Variants in FKBP5 observed in about 807,000 individuals in gnomAD.
FKBP5 encodes the protein FKBP prolyl isomerase 5, also known as peptidyl-prolyl cis-trans isomerase FKBP5.
FKBP5 carries 23 observed loss-of-function variants against 50.5 expected under a neutral mutation model. The ratio of observed to expected loss-of-function variants is 0.46; its 90% CI spans 0.33 to 0.65. The LOEUF (loss-of-function observed/expected upper bound fraction) is 0.65. Among genes scored for constraint, FKBP5 ranks in the 30% least tolerant of loss-of-function variants. The pLI, the probability that FKBP5 is intolerant of heterozygous loss-of-function variation, is 0.02. For synonymous variants in FKBP5, 176 were observed against 190.6 expected, an observed-to-expected ratio of 0.92 and a Z score of 0.63; for missense variants, 411 against 553.1, an observed-to-expected ratio of 0.74 and a Z score of 2.58.
Position 35,671,136 on chromosome 6 carries a change from C to T in FKBP5, c.-20+17668G>A, listed in dbSNP as rs115652148. Among the ~76,000 whole-genome samples the T allele has an allele frequency of 8.5e-3, 1,297 of 151,960 alleles. 22 individuals carry two copies. The highest frequency in any genetic ancestry group is 0.028 in the African/African-American group (1,165 of 41,454). On this transcript the variant is annotated intron_variant, in intron 1 of 10. Coordinates refer to ENST00000357266, the MANE Select transcript of FKBP5 (RefSeq NM_004117.4). ...AAAGTTAGTTGGGCATGGTGGTGCACACCTGTAGTCCCACCTACTTGGGTG... is the reference window on the plus strand; with the variant it reads ...AAAGTTAGTTGGGCATGGTGGTGCATACCTGTAGTCCCACCTACTTGGGTG...
chr6:35,638,839 G>A (rs773505783), intron 2 of FKBP5, among the ~76,000 whole-genome samples: 3 of 152,096 alleles, frequency 2.0e-5, no homozygotes, highest in South Asian at 2.1e-4. Flanking sequence ...TCATGTTCAC[G>A]AACTGCATGT....
At chr6:35,687,877 C>T (rs913683367) in intron 1 of FKBP5, among the ~76,000 whole-genome samples, 13 of 152,226 alleles carry the variant, frequency 8.5e-5, no homozygotes, top group Non-Finnish European at 1.8e-4. Context: ...CTACGATGGT[C>T]CTGCCGGTTC....
intron 2 of FKBP5, among the ~76,000 whole-genome samples, chr6:35,637,934 T>G (rs1764364021): frequency 6.6e-6 from 1 of 152,230 alleles, no homozygotes; most frequent in Non-Finnish European, 1.5e-5. Context: ...TCTGCTTGTT[T>G]ATTTTCAGAA....
intron 1 of FKBP5, among the ~76,000 whole-genome samples, chr6:35,686,803 A>G (rs1210950764): frequency 6.6e-6 from 1 of 151,240 alleles, no homozygotes; most frequent in Admixed American, 6.6e-5. Flanking sequence ...AGATTTAATA[A>G]GTTGCCTAAT....
intron 1 of FKBP5, among the ~76,000 whole-genome samples, chr6:35,656,797 T>A (rs1428562084): frequency 6.7e-6 from 1 of 149,638 alleles, no homozygotes; most frequent in Non-Finnish European, 1.5e-5. Context: ...CTCAGGAGGC[T>A]GAGGCAGGAG....
At chr6:35,610,333 G>A (rs997563549) in intron 5 of FKBP5, among the ~76,000 whole-genome samples, 3 of 152,064 alleles carry the variant, frequency 2.0e-5, no homozygotes, top group Non-Finnish European at 2.9e-5. Context: ...TTGGGAGGCT[G>A]AGGCAGGTGG....
At chr6:35,684,414 G>A (rs1765765158) in intron 1 of FKBP5, among the ~76,000 whole-genome samples, 1 of 152,022 alleles carries the variant, frequency 6.6e-6, no homozygotes, top group African/African-American at 2.4e-5. Context: ...CTGGGCTCAA[G>A]CAATCCACGT....
At chr6:35,709,547 A>G (rs1029358052) in intron 2 of FKBP5, among the ~76,000 whole-genome samples, 1 of 152,248 alleles carries the variant, frequency 6.6e-6, no homozygotes, top group Non-Finnish European at 1.5e-5. Context: ...TTTAAAAATC[A>G]GTTTTAAACT....
intron 5 of FKBP5, among the ~76,000 whole-genome samples, chr6:35,605,716 G>A (rs1034471668): frequency 7.2e-5 from 11 of 151,950 alleles, no homozygotes; most frequent in Admixed American, 1.3e-4. Flanking sequence ...CATACTGAAC[G>A]GGCAAAAGTT....
chr6:35,617,114 G>A (rs369826621), intron 5 of FKBP5, among the ~76,000 whole-genome samples: 5 of 151,874 alleles, frequency 3.3e-5, no homozygotes, highest in African/African-American at 4.8e-5. Context: ...TATTTCCCTG[G>A]TATTCTACAT....
Position 35,643,834 on chromosome 6 carries a change from C to T in FKBP5, c.-19-991G>A, listed in dbSNP as rs753530174. Among the ~76,000 whole-genome samples the T allele has an allele frequency of 2.2e-4, 34 of 152,276 alleles. No individual in the cohort carries two copies. The South Asian group carries it at 2.5e-3, about 11-fold the overall frequency. Reference sequence around the variant, plus strand: ...TCTGTAAGAGATTCATAAGACTATGCGCCTGTTAGGTTTAAAAGATCCTTC... The same window carrying T: ...TCTGTAAGAGATTCATAAGACTATGTGCCTGTTAGGTTTAAAAGATCCTTC... On this transcript the variant is annotated intron_variant, in intron 1 of 10. Transcript: ENST00000357266.
chr6:35,586,804 A>G, intron 8 of FKBP5: 1 of 1,406,062 alleles, frequency 7.1e-7, no homozygotes, highest in Non-Finnish European at 9.3e-7. Context: ...GCCTGTATGG[A>G]AGGTTACAAT....
chr6:35,671,005 T>C (rs1352536761), intron 1 of FKBP5, among the ~76,000 whole-genome samples: 1 of 152,032 alleles, frequency 6.6e-6, no homozygotes, highest in African/African-American at 2.4e-5. Context: ...ATGCCTGTAA[T>C]CCCAGCACTT....
intron 1 of FKBP5, among the ~76,000 whole-genome samples, chr6:35,726,516 C>T (rs1274902262): frequency 6.7e-6 from 1 of 148,408 alleles, no homozygotes; most frequent in African/African-American, 2.5e-5. Context: ...TCACGTCCAC[C>T]CCTCCCATCT....
chr6:35,728,126 CCGAGCGGG>C (rs1766758946), intron 1 of FKBP5, among the ~76,000 whole-genome samples: 1 of 152,116 alleles, frequency 6.6e-6, no homozygotes, highest in Non-Finnish European at 1.5e-5. Flanking sequence ...ACACAATGTC[CCGAGCGGG>C]CGGGCGGGCG....
intron 2 of FKBP5, among the ~76,000 whole-genome samples, chr6:35,707,816 C>G (rs1561904891): frequency 1.3e-5 from 2 of 152,148 alleles, no homozygotes; most frequent in Non-Finnish European, 2.9e-5. Flanking sequence ...ATTTGGTTTT[C>G]TGTTCTTGCA....
In FKBP5 at chr6:35,620,281, G is replaced by A. The variant is rs765661217; in HGVS notation, c.251-7C>T. 3.7e-6 allele frequency: 6 copies of A among 1,613,586 alleles called. No individual in the cohort carries two copies. The highest frequency in any genetic ancestry group is 5.1e-6 in the Non-Finnish European group (6 of 1,179,732). On this transcript the variant is annotated splice_polypyrimidine_tract_variant and splice_region_variant and intron_variant, in intron 3 of 10. Transcript: ENST00000357266. ...CATGCCTTGATGACTTGGCCTAAGGGAAAGGAAAAGGTAGTTGAAAGCTAT... is the reference window on the plus strand; with the variant it reads ...CATGCCTTGATGACTTGGCCTAAGGAAAAGGAAAAGGTAGTTGAAAGCTAT...
At chr6:35,605,987 C>G (rs1184234620) in intron 5 of FKBP5, among the ~76,000 whole-genome samples, 1 of 152,194 alleles carries the variant, frequency 6.6e-6, no homozygotes, top group African/African-American at 2.4e-5. Flanking sequence ...CTAGAAAATA[C>G]TCTTCTGGAC....
At chr6:35,592,624 T>C in intron 6 of FKBP5, among the ~76,000 whole-genome samples, 1 of 152,228 alleles carries the variant, frequency 6.6e-6, no homozygotes, top group East Asian at 1.9e-4. Flanking sequence ...TAAGCACATA[T>C]TTTCTGAGAG....
Sources: gnomAD v4.1 joint callset for allele counts (sites outside exome capture counted in the v4.1 genomes callset) on GRCh38, gnomAD v4.1.1 for gene constraint, MANE v1.5 for transcripts, NCBI Gene and HGNC (gene_info 2026-07-23, HGNC 2026-07-21) for gene names.